PDE11A: variants seen among roughly 807,000 people sequenced by gnomAD.
PDE11A encodes the protein phosphodiesterase 11A, also known as dual 3',5'-cyclic-AMP and -GMP phosphodiesterase 11A.
PDE11A carries 100 observed loss-of-function variants against 100.5 expected under a neutral mutation model. The ratio of observed to expected loss-of-function variants is 1.00; its 90% CI spans 0.85 to 1.18. PDE11A has a LOEUF of 1.18. Among genes scored for constraint, PDE11A ranks in the 50% most tolerant of loss-of-function variants. The pLI is 0.00. For missense variants in PDE11A, 1,141 were observed against 1,152.6 expected (o/e 0.99, Z 0.15); for synonymous variants, 381 against 420.8 (o/e 0.91, Z 1.16).
At chr2:177,683,055 C>T (rs1322258103) in intron 15 of PDE11A, among the ~76,000 whole-genome samples, 7 of 152,214 alleles carry the variant, frequency 4.6e-5, no homozygotes, top group Non-Finnish European at 8.8e-5. Flanking sequence ...TTGAGAACAA[C>T]TGGCTCCTCT....
At chr2:177,761,165 G>C (rs1010867288) in intron 10 of PDE11A, among the ~76,000 whole-genome samples, 7 of 152,092 alleles carry the variant, frequency 4.6e-5, no homozygotes, top group African/African-American at 1.7e-4. Context: ...GCGGGGAAGA[G>C]AGACACTATC....
intron 5 of PDE11A, among the ~76,000 whole-genome samples, chr2:177,843,732 T>C (rs1218701723): frequency 2.6e-5 from 4 of 152,200 alleles, no homozygotes; most frequent in South Asian, 2.1e-4. Flanking sequence ...CTCAGGGAGT[T>C]TGCTACTTAA....
chr2:177,884,871 G>A (rs1296980620), intron 4 of PDE11A, among the ~76,000 whole-genome samples: 1 of 152,162 alleles, frequency 6.6e-6, no homozygotes, highest in African/African-American at 2.4e-5. Context: ...AGAAGCAACA[G>A]ATCATAGACA....
At chr2:178,100,415 A>G (rs2087547708) in intron 2 of PDE11A, among the ~76,000 whole-genome samples, 1 of 152,198 alleles carries the variant, frequency 6.6e-6, no homozygotes, top group East Asian at 1.9e-4. Context: ...GTCATACACA[A>G]AAAAATAAAA....
intron 6 of PDE11A, among the ~76,000 whole-genome samples, chr2:177,828,014 T>C (rs907094106): frequency 2.6e-5 from 4 of 152,258 alleles, no homozygotes; most frequent in Non-Finnish European, 5.9e-5. Context: ...ATTTCAATAA[T>C]GGTTTTAGAT....
rs1192449920 is a variant in PDE11A at position 178,072,244 on chromosome 2, G to A, written c.194C>T (p.Thr65Ile). The A allele has an allele frequency of 1.9e-6, 3 of 1,613,544 alleles. No homozygotes were observed. The highest frequency in any genetic ancestry group is 1.1e-5 in the South Asian group (1 of 90,990). ...ACCAACGCTGCTGCCACCTCTGCAGGTGCTGTGAGCCAAGCTGCTGGTACC... is the reference window on the plus strand; with the variant it reads ...ACCAACGCTGCTGCCACCTCTGCAGATGCTGTGAGCCAAGCTGCTGGTACC... ...LAGTSSLAHS[T>I]CRGGSSVGGG... The change falls in exon 1 of 20, where the codon ACC becomes ATC. Residue 65 changes from threonine (T) to isoleucine (I), a missense_variant. By Grantham distance (89) the Thr-to-Ile change is moderately conservative. Coordinates refer to ENST00000286063, the MANE Select transcript of PDE11A (RefSeq NM_016953.4).
intron 13 of PDE11A, among the ~76,000 whole-genome samples, chr2:177,701,960 C>T (rs571448954): frequency 9.9e-5 from 15 of 152,250 alleles, no homozygotes; most frequent in African/African-American, 3.6e-4. Context: ...ATTATATTAT[C>T]TACCTAACCT....
At chr2:177,690,366 G>A (rs1382764530) in intron 15 of PDE11A, among the ~76,000 whole-genome samples, 2 of 152,306 alleles carry the variant, frequency 1.3e-5, no homozygotes, top group South Asian at 4.1e-4. Context: ...ATCCTTTCCA[G>A]TATGGGGTTG....
Position 177,800,042 on chromosome 2 carries a change from T to C in PDE11A, c.1737+16787A>G, listed in dbSNP as rs532035575. On this transcript the variant is annotated intron_variant, in intron 9 of 19. Transcript: ENST00000286063. Reference sequence around the variant, plus strand: ...CCACAAGGTTGGGAAGTGAGAACAATGAAGCACAGAGAAATTGACCTGCCC... The same window carrying C: ...CCACAAGGTTGGGAAGTGAGAACAACGAAGCACAGAGAAATTGACCTGCCC... Among the ~76,000 whole-genome samples the C allele has an allele frequency of 2.0e-5, 3 of 152,040 alleles. No individual in the cohort carries two copies. The South Asian group carries it at 6.2e-4, about 32-fold the overall frequency.
chr2:178,071,723 A>T lies in PDE11A; in HGVS notation c.715T>A (p.Ser239Thr). The change falls in exon 1 of 20, where the codon TCT (serine) becomes ACT (threonine). Residue 239 changes from serine (S) to threonine (T), a missense_variant. Coordinates refer to ENST00000286063, the MANE Select transcript of PDE11A (RefSeq NM_016953.4). Reference protein sequence around the residue: ...VCLMVDADRCSLFLVEGAAAG... With the variant: ...VCLMVDADRCTLFLVEGAAAG... ...GCTGCCCCTTCCACCAGGAAAAGAG[A>T]GCAGCGGTCAGCATCCACCATAAGG... The T allele has an allele frequency of 1.9e-6, 3 of 1,614,096 alleles. No homozygotes were observed. The highest frequency in any genetic ancestry group is 2.5e-6 in the Non-Finnish European group (3 of 1,179,958).
chr2:177,958,245 T>C (rs1350914289), intron 2 of PDE11A, among the ~76,000 whole-genome samples: 1 of 152,166 alleles, frequency 6.6e-6, no homozygotes. Context: ...TATTGCAGCA[T>C]GTTTTTTTCT....
chr2:178,037,627 C>A (rs1035619961), intron 1 of PDE11A, among the ~76,000 whole-genome samples: 1 of 152,072 alleles, frequency 6.6e-6, no homozygotes, highest in African/African-American at 2.4e-5. Flanking sequence ...AACCCAAATG[C>A]CCATCAATGA....
rs776797403 is a variant in PDE11A, at chr2:178,071,610, A to C, written c.828T>G (p.Asn276Lys). The C allele has an allele frequency of 6.2e-7, 1 of 1,613,934 alleles. No individual in the cohort carries two copies. Among genetic ancestry groups the C allele is most frequent in the Non-Finnish European group, 8.5e-7 (1 of 1,179,846 alleles). ...LLPCSSTENSNEVQVPWGKGI... is the reference protein window; with the variant it reads ...LLPCSSTENSKEVQVPWGKGI... ...CTTTGCCCCAGGGGACCTGCACCTC[A>C]TTTGAGTTCTCTGTGCTGCTGCAAG... Residue 276 changes from asparagine to lysine, a missense_variant, in exon 1 of 20, where the codon AAT becomes AAG. By Grantham distance (94) the Asn-to-Lys change is moderately conservative (BLOSUM62 0). Coordinates refer to ENST00000286063, the MANE Select transcript of PDE11A (RefSeq NM_016953.4).
At chr2:177,999,308 C>T (rs1217032219) in intron 2 of PDE11A, among the ~76,000 whole-genome samples, 2 of 152,208 alleles carry the variant, frequency 1.3e-5, no homozygotes, top group Non-Finnish European at 2.9e-5. Context: ...TCGTGGTTCT[C>T]TGTCTTCATG....
chr2:177,745,444 C>T (rs1178466844), intron 10 of PDE11A, among the ~76,000 whole-genome samples: 2 of 152,196 alleles, frequency 1.3e-5, no homozygotes, highest in East Asian at 1.9e-4. Context: ...CTCAGATTTC[C>T]AGGCCCCACG....
intron 15 of PDE11A, chr2:177,683,398 T>G (rs1485341028): frequency 6.6e-6 from 1 of 152,286 alleles, no homozygotes; most frequent in African/African-American, 2.4e-5. Flanking sequence ...ATAACTTTCT[T>G]ATCTTCTTCA....
At chr2:177,802,568 T>C (rs2082809475) in intron 9 of PDE11A, among the ~76,000 whole-genome samples, 1 of 151,944 alleles carries the variant, frequency 6.6e-6, no homozygotes, top group Non-Finnish European at 1.5e-5. Flanking sequence ...TTCATATGCA[T>C]TATGGTGGTT....
chr2:177,950,069 A>T (rs2085488335), intron 2 of PDE11A, among the ~76,000 whole-genome samples: 1 of 152,240 alleles, frequency 6.6e-6, no homozygotes, highest in Non-Finnish European at 1.5e-5. Flanking sequence ...TCAAACTTAC[A>T]ATAATGTTGC....
At chr2:178,034,039 C>T (rs2086579387) in intron 1 of PDE11A, among the ~76,000 whole-genome samples, 1 of 152,140 alleles carries the variant, frequency 6.6e-6, no homozygotes, top group South Asian at 2.1e-4. Context: ...CAAATTCACA[C>T]ATAACAATAT....
Sources: gnomAD v4.1 joint callset for allele counts (sites outside exome capture counted in the v4.1 genomes callset) on GRCh38, gnomAD v4.1.1 for gene constraint, MANE v1.5 for transcripts, NCBI Gene and HGNC (gene_info 2026-07-23, HGNC 2026-07-21) for gene names.